The following COL8A1 variants were observed in gnomAD, a reference collection of about 807,000 sequenced individuals.
COL8A1 encodes collagen alpha-1(VIII) chain.
COL8A1 carries 21 observed loss-of-function variants against 42.7 expected under a neutral mutation model. The ratio of observed to expected loss-of-function variants is 0.49; its 90% CI spans 0.35 to 0.71. The LOEUF is 0.71. Ranked by LOEUF, COL8A1 falls within the 30% of genes least tolerant of loss-of-function variation. The pLI is 0.01. For missense variants in COL8A1, 788 were observed against 962.4 expected, an observed-to-expected ratio of 0.82 and a Z score of 2.40; for synonymous variants, 367 against 369.1, an observed-to-expected ratio of 0.99 and a Z score of 0.06.
At chr3:99,703,552 A>G (rs1455295668) in intron 1 of COL8A1, 2 of 152,262 alleles carry the variant, frequency 1.3e-5, no homozygotes, top group African/African-American at 2.4e-5. Flanking sequence ...TTCACAGACC[A>G]TGTTGCACTT....
intron 1 of COL8A1, among the ~76,000 whole-genome samples, chr3:99,728,160 G>A (rs1435303755): frequency 2.0e-5 from 3 of 152,030 alleles, no homozygotes; most frequent in Non-Finnish European, 4.4e-5. Flanking sequence ...GGCAGGAGAA[G>A]GAATTAAAGG....
chr3:99,785,508 C>T (rs1941876933), intron 2 of COL8A1, among the ~76,000 whole-genome samples: 1 of 152,126 alleles, frequency 6.6e-6, no homozygotes, highest in Non-Finnish European at 1.5e-5. Context: ...GAAGGCTTCA[C>T]AGAGGAGGCA....
chr3:99,652,243 C>T (rs185831201), intron 1 of COL8A1, among the ~76,000 whole-genome samples: 99 of 152,260 alleles, frequency 6.5e-4, no homozygotes, highest in Non-Finnish European at 1.2e-3. Context: ...AATTCATTGT[C>T]ACCACATCAG....
intron 3 of COL8A1, among the ~76,000 whole-genome samples, chr3:99,791,999 T>C (rs1417044869): frequency 6.6e-6 from 1 of 152,192 alleles, no homozygotes; most frequent in Admixed American, 6.5e-5. Context: ...AAATCCTCAG[T>C]AAGAACAGAG....
intron 1 of COL8A1, among the ~76,000 whole-genome samples, chr3:99,687,572 T>C (rs569172736): frequency 1.1e-3 from 165 of 152,284 alleles, no homozygotes; most frequent in African/African-American, 3.9e-3. Context: ...TAGGAATATA[T>C]ACACTAGGTG....
intron 1 of COL8A1, among the ~76,000 whole-genome samples, chr3:99,669,154 GA>G (rs1559773210): frequency 1.0e-4 from 6 of 58,572 alleles, no homozygotes; most frequent in Non-Finnish European, 1.8e-4. Context: ...TATAGAGGGA[GA>G]GAGAGAGAGA....
At chr3:99,651,494 G>A (rs187980241) in intron 1 of COL8A1, among the ~76,000 whole-genome samples, 72 of 152,360 alleles carry the variant, frequency 4.7e-4, no homozygotes, top group Middle Eastern at 6.8e-3. Flanking sequence ...CAGCAGGTCA[G>A]CGGAGGTAGC....
intron 1 of COL8A1, among the ~76,000 whole-genome samples, chr3:99,657,211 A>G (rs536955348): frequency 1.3e-5 from 2 of 152,332 alleles, no homozygotes; most frequent in Admixed American, 1.3e-4. Context: ...AAAATTGATG[A>G]TCGCATCCCA....
chr3:99,640,668 G>A (rs1001861450), intron 1 of COL8A1, among the ~76,000 whole-genome samples: 1 of 152,166 alleles, frequency 6.6e-6, no homozygotes, highest in Non-Finnish European at 1.5e-5. Flanking sequence ...AACTGAGTGA[G>A]ATCATCTTAG....
chr3:99,747,777 C>T (rs947589108), intron 2 of COL8A1, among the ~76,000 whole-genome samples: 2 of 152,182 alleles, frequency 1.3e-5, no homozygotes, highest in Non-Finnish European at 2.9e-5. Flanking sequence ...ATGGAATTTA[C>T]TTGTTACTGC....
intron 2 of COL8A1, among the ~76,000 whole-genome samples, chr3:99,760,401 C>T (rs978613505): frequency 6.6e-6 from 1 of 152,082 alleles, no homozygotes; most frequent in Non-Finnish European, 1.5e-5. Flanking sequence ...GGTGGCTCTA[C>T]TAGGCAAAGA....
chr3:99,733,689 G>A (rs1169869936), intron 1 of COL8A1, among the ~76,000 whole-genome samples: 1 of 151,466 alleles, frequency 6.6e-6, no homozygotes, highest in Non-Finnish European at 1.5e-5. Context: ...GGGTCAAATG[G>A]TATTTCCAGT....
intron 1 of COL8A1, among the ~76,000 whole-genome samples, chr3:99,660,547 G>A (rs1458534334): frequency 6.6e-6 from 1 of 152,130 alleles, no homozygotes. Flanking sequence ...ATAGGTAGAA[G>A]GATTCTGGGC....
At chr3:99,732,369 G>C (rs1415866440) in intron 1 of COL8A1, among the ~76,000 whole-genome samples, 4 of 152,076 alleles carry the variant, frequency 2.6e-5, no homozygotes, top group Admixed American at 6.6e-5. Flanking sequence ...AGATTTAATT[G>C]ATTCACAGTT....
chr3:99,766,866 T>C (rs1299755825), intron 2 of COL8A1, among the ~76,000 whole-genome samples: 1 of 152,040 alleles, frequency 6.6e-6, no homozygotes, highest in Non-Finnish European at 1.5e-5. Context: ...GGAGAATCGC[T>C]TGAACTCATG....
intron 1 of COL8A1, among the ~76,000 whole-genome samples, chr3:99,700,743 A>T (rs1939512696): frequency 6.6e-6 from 1 of 152,208 alleles, no homozygotes; most frequent in South Asian, 2.1e-4. Context: ...TGAAAGGCCC[A>T]GACTTAGACA....
chr3:99,784,499 C>T (rs971275310), intron 2 of COL8A1, among the ~76,000 whole-genome samples: 2 of 152,118 alleles, frequency 1.3e-5, no homozygotes, highest in Non-Finnish European at 2.9e-5. Flanking sequence ...TAGATGGTAC[C>T]ACTTGCTACA....
intron 1 of COL8A1, among the ~76,000 whole-genome samples, chr3:99,646,296 T>G (rs1193800752): frequency 6.6e-6 from 1 of 152,168 alleles, no homozygotes; most frequent in African/African-American, 2.4e-5. Context: ...ACAGCAATCC[T>G]CTAAGATCAT....
At position 99,705,342 on chromosome 3, in the gene COL8A1, A is replaced by G. The variant is rs1378046814; in HGVS notation, c.-128-39555A>G. Among the ~76,000 whole-genome samples the G allele has an allele frequency of 2.0e-5, 3 of 152,150 alleles. No individual in the cohort carries two copies. In the South Asian group the frequency reaches 6.2e-4, roughly 32 times the overall value. On this transcript the variant is annotated intron_variant, in intron 1 of 3. Coordinates refer to ENST00000652472, the MANE Select transcript of COL8A1 (RefSeq NM_020351.4). ...CCAACTTCCACCATTTCTATAGGCA[A>G]TCTATGTTCTGAGCTTCTAACTACT...
Sources: allele counts gnomAD v4.1 joint callset (sites outside exome capture counted in the v4.1 genomes callset), GRCh38; gene constraint gnomAD v4.1.1; transcripts MANE v1.5; gene names NCBI Gene and HGNC (gene_info 2026-07-23, HGNC 2026-07-21).